The following HDX variants were observed in gnomAD, a reference collection of about 807,000 sequenced individuals.
The protein encoded by HDX is chromosome X open reading frame 43.
In HDX, 19 loss-of-function variants were observed where a neutral mutation model predicts 45.2. That is an observed-to-expected ratio of 0.42 (90% CI 0.29 to 0.62). The LOEUF (loss-of-function observed/expected upper bound fraction) is 0.62. Among genes scored for constraint, HDX ranks in the 20% least tolerant of loss-of-function variants. The probability of loss-of-function intolerance (pLI) is 0.20; values close to 1 mark genes in which losing one functional copy is unlikely to be tolerated. For synonymous variants in HDX, 188 were observed against 172.8 expected, an observed-to-expected ratio of 1.09 and a Z score of -0.69; for missense variants, 532 against 493.9, an observed-to-expected ratio of 1.08 and a Z score of -0.73.
Position 84,338,391 on chromosome X carries a change from A to T in HDX, c.1661-1511T>A, listed in dbSNP as rs73237158. 4.3e-3 allele frequency among the ~76,000 whole-genome samples: 474 copies of T among 110,868 alleles called. 2 individuals carry two copies. Among genetic ancestry groups the T allele is most frequent in the Middle Eastern group, 9.3e-3 (2 of 214 alleles). On this transcript the variant is annotated intron_variant, in intron 7 of 10. Coordinates refer to ENST00000373177, the MANE Select transcript of HDX (RefSeq NM_001177479.2). ...TAATGTTATACACACACACACATAT[A>T]TAAATTGTTTCTATAATGAAACAAA...
intron 5 of HDX, among the ~76,000 whole-genome samples, chrX:84,438,326 G>A (rs1181029651): frequency 9.0e-6 from 1 of 111,527 alleles, no homozygotes; most frequent in Non-Finnish European, 1.9e-5. Context: ...CAATACTGAA[G>A]TCCTAGCTTC....
chrX:84,397,091 C>T (rs1415574018), intron 5 of HDX, among the ~76,000 whole-genome samples: 1 of 112,260 alleles, frequency 8.9e-6, no homozygotes, highest in Non-Finnish European at 1.9e-5. Flanking sequence ...GTCAACACTT[C>T]ACTCAAAATT....
chrX:84,398,225 A>G (rs937137118), intron 5 of HDX, among the ~76,000 whole-genome samples: 2 of 111,414 alleles, frequency 1.8e-5, no homozygotes, highest in Non-Finnish European at 3.8e-5. Flanking sequence ...ACACACAACA[A>G]TATTAACCTT....
At chrX:84,424,759 T>C (rs1353118607) in intron 5 of HDX, among the ~76,000 whole-genome samples, 3 of 111,144 alleles carry the variant, frequency 2.7e-5, no homozygotes, top group South Asian at 7.5e-4. Flanking sequence ...GATATGCATA[T>C]GCAGAAGAAT....
chrX:84,335,705 C>T (rs2036944912), intron 8 of HDX, among the ~76,000 whole-genome samples: 1 of 111,020 alleles, frequency 9.0e-6, no homozygotes, highest in African/African-American at 3.3e-5. Flanking sequence ...AGCTATCTAA[C>T]AAAAACACGA....
intron 5 of HDX, among the ~76,000 whole-genome samples, chrX:84,423,780 C>T (rs961265955): frequency 9.0e-6 from 1 of 111,702 alleles, no homozygotes; most frequent in Non-Finnish European, 1.9e-5. Flanking sequence ...GGATAAAACT[C>T]TTTAAAAAAT....
chrX:84,474,951 T>C (rs1364301234), intron 3 of HDX, among the ~76,000 whole-genome samples: 1 of 111,826 alleles, frequency 8.9e-6, no homozygotes, highest in Non-Finnish European at 1.9e-5. Context: ...TCTACATTAA[T>C]TTGGGGTTTA....
At chrX:84,447,472 C>T (rs944914098) in intron 4 of HDX, among the ~76,000 whole-genome samples, 1 of 111,273 alleles carries the variant, frequency 9.0e-6, no homozygotes, top group Non-Finnish European at 1.9e-5. Flanking sequence ...CCATGGATTC[C>T]TGCAATCTTA....
In HDX at chrX:84,473,051, G is replaced by A. The variant is rs1009613082; in HGVS notation, c.147+2200C>T. Among the ~76,000 whole-genome samples, 8 of 108,414 alleles carry A rather than the reference G, an allele frequency of 7.4e-5. No homozygotes were observed. In the East Asian group the frequency reaches 9.0e-4, roughly 12 times the overall value. The allele number at this position is 108,414 out of a possible 115,157, so 94.1% of individuals were successfully genotyped here. ...GAAAAAAAAGAAAGAAAAGTAATTC[G>A]GGTCATTAATCCTTAGTGTCCATAA... On this transcript the variant is annotated intron_variant, in intron 3 of 10. Transcript: ENST00000373177.
At chrX:84,421,507 G>A (rs2039252460) in intron 5 of HDX, among the ~76,000 whole-genome samples, 1 of 108,964 alleles carries the variant, frequency 9.2e-6, no homozygotes, top group African/African-American at 3.3e-5. Flanking sequence ...AAAGAAGGAA[G>A]AGAAAACTGT....
At chrX:84,347,002 T>C (rs1029646172) in intron 6 of HDX, among the ~76,000 whole-genome samples, 4 of 111,665 alleles carry the variant, frequency 3.6e-5, no homozygotes, top group African/African-American at 1.3e-4. Context: ...TTTAGATCTT[T>C]GATTTCTTTT....
intron 9 of HDX, among the ~76,000 whole-genome samples, chrX:84,332,872 C>T (rs2036874504): frequency 1.8e-5 from 2 of 111,516 alleles, no homozygotes; most frequent in African/African-American, 6.5e-5. Context: ...TATTTTAAAG[C>T]TTGACATGTT....
chrX:84,396,899 A>G (rs1421653875), intron 5 of HDX, among the ~76,000 whole-genome samples: 1 of 111,320 alleles, frequency 9.0e-6, no homozygotes, highest in Non-Finnish European at 1.9e-5. Flanking sequence ...GTGCATACTG[A>G]CATTGGTTGT....
Position 84,486,258 on chromosome X carries a change from A to G in HDX, c.-1+1766T>C, listed in dbSNP as rs2040787958. ...ACACATTTAATATTTTACAACCTCAATGACAACTATCTAGGTACCTTTTCC... is the reference window on the plus strand; with the variant it reads ...ACACATTTAATATTTTACAACCTCAGTGACAACTATCTAGGTACCTTTTCC... On this transcript the variant is annotated intron_variant, in intron 2 of 10. Transcript: ENST00000373177. Among the ~76,000 whole-genome samples the G allele has an allele frequency of 2.7e-5, 3 of 111,617 alleles. No homozygotes were observed. The Admixed American group carries it at 2.9e-4, about 11-fold the overall frequency.
At chrX:84,339,711 C>A (rs1247574736) in intron 7 of HDX, among the ~76,000 whole-genome samples, 1 of 110,813 alleles carries the variant, frequency 9.0e-6, no homozygotes, top group Non-Finnish European at 1.9e-5. Context: ...CTCTAGAGGG[C>A]GCCCTATGTG....
chrX:84,342,416 A>G (rs1056604445), intron 7 of HDX, among the ~76,000 whole-genome samples: 1 of 111,486 alleles, frequency 9.0e-6, no homozygotes, highest in Non-Finnish European at 1.9e-5. Context: ...GACATTTTAT[A>G]AAGCCAAAGT....
intron 4 of HDX, among the ~76,000 whole-genome samples, chrX:84,451,212 A>G (rs1438159022): frequency 9.0e-6 from 1 of 111,446 alleles, no homozygotes; most frequent in Non-Finnish European, 1.9e-5. Context: ...CACTAAAAAT[A>G]TATAAACTAT....
At position 84,469,126 on chromosome X, in the gene HDX, G is replaced by A. The variant is rs777584712; in HGVS notation, c.597C>T (p.Asn199=). ...VFNHAKKNYG[N]SSVQASEMTV... ...TCATTTCAGAAGCTTGTACTGAAGA[G>A]TTTCCATAGTTTTTCTTTGCGTGAT... The change falls in exon 4 of 11, where the codon AAC becomes AAT. Residue 199 remains asparagine (N), a synonymous_variant. Transcript: ENST00000373177. The A allele has an allele frequency of 8.3e-7, 1 of 1,210,352 alleles. No homozygotes were observed. Among genetic ancestry groups the A allele is most frequent in the Non-Finnish European group, 1.1e-6 (1 of 894,679 alleles).
rs760749408 is a variant in HDX at position 84,428,457 on chromosome X, T to C, written c.1305+12075A>G. 1.3e-4 allele frequency among the ~76,000 whole-genome samples: 14 copies of C among 111,267 alleles called. No homozygotes were observed. The South Asian group carries it at 4.8e-3, about 38-fold the overall frequency. ...TCCCTAGCCCCAGAAAACTCTCGTCTACTTTCTGTCTCTATGAATTTGTAT... is the reference window on the plus strand; with the variant it reads ...TCCCTAGCCCCAGAAAACTCTCGTCCACTTTCTGTCTCTATGAATTTGTAT... On this transcript the variant is annotated intron_variant, in intron 5 of 10. Coordinates refer to ENST00000373177, the MANE Select transcript of HDX (RefSeq NM_001177479.2).
Sources: gnomAD v4.1 joint callset for allele counts (sites outside exome capture counted in the v4.1 genomes callset) on GRCh38, gnomAD v4.1.1 for gene constraint, MANE v1.5 for transcripts, NCBI Gene and HGNC (gene_info 2026-07-23, HGNC 2026-07-21) for gene names.